The following SEPTIN5 variants were observed in gnomAD, a reference collection of about 807,000 sequenced individuals.
The protein encoded by SEPTIN5 is septin 5.
A neutral mutation model predicts 51.2 loss-of-function variants in SEPTIN5; 16 were observed. That is an observed-to-expected ratio of 0.31 (90% CI 0.21 to 0.47). The LOEUF is 0.47. SEPTIN5 is among the 20% of genes least tolerant of loss of function. SEPTIN5 has a pLI of 0.99. For synonymous variants in SEPTIN5, 208 were observed against 191.2 expected (o/e 1.09, Z -0.72); for missense variants, 376 against 500.3 (o/e 0.75, Z 2.37).
In SEPTIN5 at chr22:19,714,817, C is replaced by A. The variant is rs1362994040; in HGVS notation, c.54+26C>A. 1.3e-6 allele frequency: 2 copies of A among 1,593,014 alleles called. No homozygotes were observed. The highest frequency in any genetic ancestry group is 1.7e-5 in the Admixed American group (1 of 59,496). On this transcript the variant is annotated intron_variant, in intron 2 of 11. Transcript: ENST00000455784. The surrounding 1 kb of genome is among the most constrained non-coding windows in gnomAD (Gnocchi z 5.2). Reference sequence around the variant, plus strand: ...GTACGTGCGCAGCGCCGCTCCCCCGCCGGGAGACCCGGCCGGCTGTCACCC... The same window carrying A: ...GTACGTGCGCAGCGCCGCTCCCCCGACGGGAGACCCGGCCGGCTGTCACCC...
chr22:19,723,315 A>G lies in SEPTIN5; in HGVS notation c.*831A>G, dbSNP rs1305340167. ...GGTGACAGGAGAACAATGTTGGTGA[A>G]CGTCGCAGCGGGTGTCCGAGTGCTC... On this transcript the variant is annotated 3_prime_UTR_variant, in exon 12 of 12. Coordinates refer to ENST00000455784, the MANE Select transcript of SEPTIN5 (RefSeq NM_002688.6). 2.9e-6 allele frequency: 2 copies of G among 699,634 alleles called. No individual in the cohort carries two copies. The highest frequency in any genetic ancestry group is 2.0e-5 in the Admixed American group (1 of 49,936). 43.3% of individuals were successfully genotyped at this position (699,634 alleles called of 1,614,324 possible). A position where few individuals can be genotyped will look rare whatever the true frequency, so the allele number is the denominator to read the frequency against.
chr22:19,718,452 C>T, intron 2 of SEPTIN5: 1 of 1,117,536 alleles, frequency 8.9e-7, no homozygotes, highest in Non-Finnish European at 1.1e-6. Flanking sequence ...TGCGACGCCC[C>T]GCCTCTGGCT....
chr22:19,718,713 C>T, intron 2 of SEPTIN5: 1 of 1,255,304 alleles, frequency 8.0e-7, no homozygotes. Context: ...CCGAGCGTGC[C>T]CCCGGGCCTG....
At position 19,714,527 on chromosome 22, in the gene SEPTIN5, C is replaced by A; in HGVS notation, c.-62C>A. The A allele has an allele frequency of 8.1e-7, 1 of 1,239,796 alleles. No homozygotes were observed. Among genetic ancestry groups the A allele is most frequent in the Non-Finnish European group, 1.0e-6 (1 of 974,958 alleles). 76.8% of individuals were successfully genotyped at this position (1,239,796 alleles called of 1,614,324 possible). ...CACCCCGCAGCCCGGCCTCGGCCTC[C>A]GCCGCTTGTCGTCGCGCCCCGCCCG... On this transcript the variant is annotated 5_prime_UTR_variant, in exon 1 of 12. Coordinates refer to ENST00000455784, the MANE Select transcript of SEPTIN5 (RefSeq NM_002688.6). The surrounding 1 kb of genome is among the most constrained non-coding windows in gnomAD (Gnocchi z 5.2).
At chr22:19,721,299 G>A (rs1321515826) in intron 8 of SEPTIN5, among the ~76,000 whole-genome samples, 1 of 152,210 alleles carries the variant, frequency 6.6e-6, no homozygotes, top group East Asian at 1.9e-4. Flanking sequence ...CATGCCAGGG[G>A]CAGGTGGCCA....
intron 2 of SEPTIN5, chr22:19,717,767 AAACACACATGCACACAC>A: frequency 3.9e-6 from 1 of 257,490 alleles, no homozygotes; most frequent in Non-Finnish European, 7.7e-6. Flanking sequence ...AGAGTCCACC[AAACACACATGCACACAC>A]CCGCGCACAC....
chr22:19,720,493 C>G (rs1430887996), intron 6 of SEPTIN5, 39 bp downstream of exon 6: 6 of 1,613,350 alleles, frequency 3.7e-6, no homozygotes, highest in Non-Finnish European at 5.1e-6. Context: ...GGAGTGCAGC[C>G]CCTACAATAT....
At chr22:19,720,044 C>G (rs111635441) in intron 4 of SEPTIN5, 71 bp from the exon 5 acceptor site, 17 of 1,608,914 alleles carry the variant, frequency 1.1e-5, no homozygotes, top group Non-Finnish European at 9.3e-6. Flanking sequence ...TGGATGAGGA[C>G]GAGGGTCCTG....
Position 19,720,302 on chromosome 22 carries a change from C to T in SEPTIN5, c.363-18C>T, listed in dbSNP as rs778027796. ...CCACAGCACTCGAGGCCTGGCCTCACCTCCCTCCTGCCCACAGCTGGAAGC... is the reference window on the plus strand; with the variant it reads ...CCACAGCACTCGAGGCCTGGCCTCATCTCCCTCCTGCCCACAGCTGGAAGC... On this transcript the variant is annotated intron_variant, in intron 5 of 11. Coordinates refer to ENST00000455784, the MANE Select transcript of SEPTIN5 (RefSeq NM_002688.6). 14 of 1,613,338 alleles carry T rather than the reference C, an allele frequency of 8.7e-6. No individual in the cohort carries two copies. The Admixed American group carries it at 1.8e-4, about 21-fold the overall frequency.
Position 19,720,858 on chromosome 22 carries a change from C to A in SEPTIN5, c.706C>A (p.Arg236=). ...GGATGAGGACTTCAAGCAGCAGGAC[C>A]GGGAACTGAAGGTGAACATGCAGAC... ...DEDEDFKQQD[R]ELKESAPFAV... is the part of the protein sequence containing the mutation. Residue 236 remains arginine (R), a synonymous_variant, in exon 8 of 12, where the codon CGG becomes AGG. Transcript: ENST00000455784. 1 of 1,613,518 alleles carries A rather than the reference C, an allele frequency of 6.2e-7. No individual in the cohort carries two copies. The highest frequency in any genetic ancestry group is 8.5e-7 in the Non-Finnish European group (1 of 1,179,864).
rs1935998047 is a variant in SEPTIN5 at position 19,720,159 on chromosome 22, A to G, written c.283A>G (p.Ile95Val). 6.2e-7 allele frequency: 1 copy of G among 1,613,292 alleles called. No homozygotes were observed. The highest frequency in any genetic ancestry group is 1.1e-5 in the South Asian group (1 of 91,092). ...AGAGATTCTAAAACACACGGTGGAC[A>G]TTGAGGAGAAGGGAGTCAAGCTGAA... ...TVEILKHTVD[I>V]EEKGVKLKLT... is the part of the protein sequence containing the mutation. The change falls in exon 5 of 12, where the codon ATT (isoleucine) becomes GTT (valine). Residue 95 changes from isoleucine (I) to valine (V), a missense_variant. Physicochemically the swap from Ile to Val is conservative, Grantham distance 29 (BLOSUM62 3). This residue lies in a region of SEPTIN5 where 287 missense variants were observed against 417.1 expected (regional missense o/e 0.69). Transcript: ENST00000455784.
At chr22:19,718,927 C>G in intron 2 of SEPTIN5, 1 of 1,098,948 alleles carries the variant, frequency 9.1e-7, no homozygotes, top group Non-Finnish European at 1.1e-6. Context: ...CTAGGCTCAG[C>G]CCTTCCCTCC....
At position 19,722,297 on chromosome 22, in the gene SEPTIN5, G is replaced by A; in HGVS notation, c.1011G>A (p.Pro337=). 1.2e-6 allele frequency: 2 copies of A among 1,611,450 alleles called. No individual in the cohort carries two copies. The stretch of plus-strand genomic sequence containing the variant: ...TCCCGATCCTGCCGCTGCCCACCCC[G>A]GACGCCGAGACTGAGAAGCTTATCA... ...SPIPILPLPT[P]DAETEKLIRM... is the part of the protein sequence containing the mutation. The change falls in exon 11 of 12, where the codon CCG becomes CCA. Residue 337 remains proline, a synonymous_variant. Transcript: ENST00000455784.
chr22:19,723,159 C>T lies in SEPTIN5; in HGVS notation c.*675C>T. 1 of 568,880 alleles carries T rather than the reference C, an allele frequency of 1.8e-6. No individual in the cohort carries two copies. 35.2% of individuals were successfully genotyped at this position (568,880 alleles called of 1,614,324 possible). ...TGCCGTCCCCTGCCCTCGCTCGAGG[C>T]CTCTTCTCCCCAGCACCGCTGTGGT... On this transcript the variant is annotated 3_prime_UTR_variant, in exon 12 of 12. Coordinates refer to ENST00000455784, the MANE Select transcript of SEPTIN5 (RefSeq NM_002688.6).
Position 19,722,974 on chromosome 22 carries a change from G to T in SEPTIN5, c.*490G>T. On this transcript the variant is annotated 3_prime_UTR_variant, in exon 12 of 12. Transcript: ENST00000455784. ...TCCCTTATCCCCAGACGCCTAGCGG[G>T]CAGGGTTGGGCTGAATCAAATGGGA... 1 of 441,260 alleles carries T rather than the reference G, an allele frequency of 2.3e-6. No homozygotes were observed. The highest frequency in any genetic ancestry group is 2.1e-5 in the South Asian group (1 of 48,640). The allele number at this position is 441,260 out of a possible 1,614,324, so 27.3% of individuals were successfully genotyped here. A position where few individuals can be genotyped will look rare whatever the true frequency, so the allele number is the denominator to read the frequency against.
intron 2 of SEPTIN5, among the ~76,000 whole-genome samples, chr22:19,716,693 C>T (rs1935916293): frequency 6.6e-6 from 1 of 152,196 alleles, no homozygotes; most frequent in Non-Finnish European, 1.5e-5. Context: ...GAGATTCTTG[C>T]CCTCCTGACC....
At chr22:19,720,078 G>T in intron 4 of SEPTIN5, 37 bp from the exon 5 acceptor site, 4 of 1,612,448 alleles carry the variant, frequency 2.5e-6, no homozygotes, top group Non-Finnish European at 3.4e-6. Flanking sequence ...AGGGGCTGAG[G>T]GTTGGAGAGG....
rs1410808263 is a variant in SEPTIN5, at chr22:19,721,812, C to T, written c.815-10C>T. 6.2e-7 allele frequency: 1 copy of T among 1,605,884 alleles called. No homozygotes were observed. The highest frequency in any genetic ancestry group is 2.2e-5 in the East Asian group (1 of 44,678). On this transcript the variant is annotated splice_polypyrimidine_tract_variant and intron_variant, in intron 9 of 11. Transcript: ENST00000455784. ...CCGGCGCCAGCCCACTACCCACCCC[C>T]ACCCCGCAGTGGAGAACCAGGCGCA...
Position 19,719,874 on chromosome 22 carries a change from A to C in SEPTIN5, c.220A>C (p.Lys74Gln), listed in dbSNP as rs1468563690. ...LFLTDLYKDR[K>Q]LLSAEERISQ... Reference sequence around the variant, plus strand: ...CCTGACAGACTTGTACAAGGACCGGAAGCTGCTCAGTGCTGAGGGTGAGTG... The same window carrying C: ...CCTGACAGACTTGTACAAGGACCGGCAGCTGCTCAGTGCTGAGGGTGAGTG... The change falls in exon 4 of 12, where the codon AAG becomes CAG. Residue 74 changes from lysine (K) to glutamine (Q), a missense_variant. By Grantham distance (53) the Lys-to-Gln change is moderately conservative. Coordinates refer to ENST00000455784, the MANE Select transcript of SEPTIN5 (RefSeq NM_002688.6). 1 of 1,612,930 alleles carries C rather than the reference A, an allele frequency of 6.2e-7. No homozygotes were observed. Among genetic ancestry groups the C allele is most frequent in the Non-Finnish European group, 8.5e-7 (1 of 1,179,918 alleles).
Sources: allele counts gnomAD v4.1 joint callset (sites outside exome capture counted in the v4.1 genomes callset), GRCh38; gene constraint gnomAD v4.1.1; regional missense constraint gnomAD v4.1.1; non-coding constraint Gnocchi (gnomAD v3.1); transcripts MANE v1.5; gene names NCBI Gene and HGNC (gene_info 2026-07-23, HGNC 2026-07-21).